The following NCAM1 variants were observed in gnomAD, a reference collection of about 807,000 sequenced individuals.
The protein encoded by NCAM1 is antigen recognized by monoclonal antibody 5.1H11.
NCAM1 carries 14 observed loss-of-function variants against 109.8 expected under a neutral mutation model. The observed-to-expected ratio is 0.13, with a 90% CI of 0.08 to 0.20. The LOEUF (loss-of-function observed/expected upper bound fraction) is 0.20, where lower values mean the gene tolerates loss of function less well. Among genes scored for constraint, NCAM1 ranks in the 10% least tolerant of loss-of-function variants. The probability of loss-of-function intolerance (pLI) is 1.00; values close to 1 mark genes in which losing one functional copy is unlikely to be tolerated. For missense variants in NCAM1, 774 were observed against 1,109.9 expected (o/e 0.70, Z 4.30); for synonymous variants, 418 against 442.9 (o/e 0.94, Z 0.70).
At chr11:113,145,724 TC>T (rs1555101188) in intron 1 of NCAM1, among the ~76,000 whole-genome samples, 1 of 152,188 alleles carries the variant, frequency 6.6e-6, no homozygotes, top group Non-Finnish European at 1.5e-5. Context: ...AATGGCATTA[TC>T]CTTGTGTGAT....
At chr11:113,192,843 C>T (rs1049210652) in intron 1 of NCAM1, among the ~76,000 whole-genome samples, 4 of 152,128 alleles carry the variant, frequency 2.6e-5, no homozygotes, top group Non-Finnish European at 5.9e-5. Context: ...AGGTCCTTTC[C>T]AGCTCTAACC....
intron 1 of NCAM1, among the ~76,000 whole-genome samples, chr11:113,077,968 T>C (rs193231795): frequency 6.6e-6 from 1 of 152,304 alleles, no homozygotes; most frequent in African/African-American, 2.4e-5. Flanking sequence ...ATTACAGGCG[T>C]GAGCCACCGC....
intron 1 of NCAM1, among the ~76,000 whole-genome samples, chr11:113,002,886 T>G (rs1463559046): frequency 1.3e-5 from 2 of 152,242 alleles, no homozygotes; most frequent in African/African-American, 2.4e-5. Flanking sequence ...AATAAGTTAA[T>G]GTTTAAAGTT....
chr11:113,035,807 CT>C (rs578050120), intron 1 of NCAM1, among the ~76,000 whole-genome samples: 85 of 152,258 alleles, frequency 5.6e-4, no homozygotes, highest in African/African-American at 1.9e-3. Context: ...TTATTTTCCT[CT>C]TAACATCTGT....
intron 1 of NCAM1, among the ~76,000 whole-genome samples, chr11:113,143,608 A>C (rs1555100862): frequency 2.0e-5 from 3 of 152,236 alleles, no homozygotes; most frequent in Non-Finnish European, 2.9e-5. Context: ...ATTATAATAG[A>C]TTGAAATTAA....
intron 1 of NCAM1, among the ~76,000 whole-genome samples, chr11:113,078,796 A>G (rs1938649183): frequency 1.3e-5 from 2 of 152,158 alleles, no homozygotes; most frequent in Admixed American, 1.3e-4. Flanking sequence ...GACCTGTCTC[A>G]AGATCATCCA....
intron 1 of NCAM1, among the ~76,000 whole-genome samples, chr11:113,006,383 A>G (rs1040463974): frequency 2.6e-5 from 4 of 152,302 alleles, no homozygotes; most frequent in Admixed American, 1.3e-4. Context: ...TCAGTCCTCA[A>G]TACTTTCAGG....
intron 1 of NCAM1, among the ~76,000 whole-genome samples, chr11:113,201,086 A>G (rs1423878626): frequency 1.3e-5 from 2 of 151,970 alleles, no homozygotes; most frequent in African/African-American, 4.8e-5. Context: ...TCTCCACCAC[A>G]TCACCTCTTT....
At chr11:113,259,351 A>T (rs997752345) in intron 16 of NCAM1, among the ~76,000 whole-genome samples, 2 of 151,530 alleles carry the variant, frequency 1.3e-5, no homozygotes, top group Non-Finnish European at 2.9e-5. Context: ...GCGCCCGGCC[A>T]TAGTTTTCAT....
intron 1 of NCAM1, among the ~76,000 whole-genome samples, chr11:113,127,667 T>C (rs1449438648): frequency 1.3e-5 from 2 of 152,214 alleles, no homozygotes; most frequent in Non-Finnish European, 2.9e-5. Context: ...TGAAAATTGG[T>C]AATTCAATCT....
chr11:113,115,630 A>G (rs1940664144), intron 1 of NCAM1, among the ~76,000 whole-genome samples: 2 of 152,232 alleles, frequency 1.3e-5, no homozygotes. Context: ...TGTTCTAGAC[A>G]TGAGAACAAA....
intron 14 of NCAM1, chr11:113,236,341 C>T (rs1945166341): frequency 6.2e-7 from 1 of 1,609,822 alleles, no homozygotes. Context: ...TACCTCATTA[C>T]CTGTTTCCAT....
chr11:113,106,211 G>A (rs1172521487), intron 1 of NCAM1, among the ~76,000 whole-genome samples: 3 of 152,182 alleles, frequency 2.0e-5, no homozygotes, highest in African/African-American at 7.2e-5. Context: ...TTTATGTGAT[G>A]AGTACGTTGT....
intron 1 of NCAM1, among the ~76,000 whole-genome samples, chr11:113,136,886 G>T (rs782516709): frequency 6.6e-6 from 1 of 152,186 alleles, no homozygotes; most frequent in Non-Finnish European, 1.5e-5. Flanking sequence ...GTGGAATGGC[G>T]CTGTGGGCGT....
intron 9 of NCAM1, among the ~76,000 whole-genome samples, chr11:113,227,517 G>C (rs528087509): frequency 6.6e-5 from 10 of 152,306 alleles, no homozygotes; most frequent in Non-Finnish European, 1.2e-4. Flanking sequence ...GGAGGAGCTG[G>C]TACCATTCCT....
chr11:113,109,347 C>CTA (rs1940327992), intron 1 of NCAM1, among the ~76,000 whole-genome samples: 1 of 89,226 alleles, frequency 1.1e-5, no homozygotes, highest in Non-Finnish European at 2.3e-5. Context: ...GACTCTGTCT[C>CTA]AAAAAAAAGA....
Position 113,277,247 on chromosome 11 carries a change from T to C in NCAM1, c.*1860T>C. 5.0e-6 allele frequency: 2 copies of C among 398,544 alleles called. No individual in the cohort carries two copies. Among genetic ancestry groups the C allele is most frequent in the Non-Finnish European group, 8.9e-6 (2 of 225,836 alleles). 24.7% of individuals were successfully genotyped at this position (398,544 alleles called of 1,614,324 possible). A position where few individuals can be genotyped will look rare whatever the true frequency, so the allele number is the denominator to read the frequency against. ...GCCACTCTCCCCAACGTTCTGACAC[T>C]TCTGCAGTCTGATCAGTGGCGATGC... On this transcript the variant is annotated 3_prime_UTR_variant, in exon 20 of 20. Coordinates refer to ENST00000316851, the MANE Select transcript of NCAM1 (RefSeq NM_181351.5).
intron 1 of NCAM1, among the ~76,000 whole-genome samples, chr11:113,002,810 C>T (rs1265075752): frequency 1.3e-5 from 2 of 152,182 alleles, no homozygotes; most frequent in Non-Finnish European, 2.9e-5. Flanking sequence ...CTGGAAGTCT[C>T]ATGTTTTATC....
chr11:113,130,518 T>C (rs1383458097), intron 1 of NCAM1, among the ~76,000 whole-genome samples: 1 of 152,218 alleles, frequency 6.6e-6, no homozygotes, highest in Non-Finnish European at 1.5e-5. Context: ...AACAGTGGTG[T>C]TGGCAAATTA....
Sources: gnomAD v4.1 joint callset for allele counts (sites outside exome capture counted in the v4.1 genomes callset) on GRCh38, gnomAD v4.1.1 for gene constraint, MANE v1.5 for transcripts, NCBI Gene and HGNC (gene_info 2026-07-23, HGNC 2026-07-21) for gene names.